Variants in ADRA1B observed in about 807,000 individuals in gnomAD.
ADRA1B encodes alpha-1B adrenergic receptor.
A neutral mutation model predicts 17.9 loss-of-function variants in ADRA1B; 17 were observed. The observed-to-expected ratio is 0.95, with a 90% CI of 0.65 to 1.42. The LOEUF is 1.42. Among genes scored for constraint, ADRA1B ranks in the 40% most tolerant of loss-of-function variants. ADRA1B has a pLI of 0.00. For synonymous variants in ADRA1B, 366 were observed against 327.6 expected (o/e 1.12, Z -1.27); for missense variants, 681 against 722.1 (o/e 0.94, Z 0.65).
intron 1 of ADRA1B, among the ~76,000 whole-genome samples, chr5:159,950,086 G>A (rs763747125): frequency 3.3e-5 from 5 of 152,322 alleles, no homozygotes; most frequent in Non-Finnish European, 5.9e-5. Flanking sequence ...ACCAGAGCAC[G>A]TGCTCCCTGG....
chr5:159,971,853 C>G, intron 1 of ADRA1B, 26 bp from the exon 2 acceptor site: 8 of 1,305,860 alleles, frequency 6.1e-6, no homozygotes, highest in Non-Finnish European at 6.9e-6. Context: ...TCTTTCTGCC[C>G]GTGCCCACCC....
At chr5:159,929,278 C>T (rs1471821930) in intron 1 of ADRA1B, among the ~76,000 whole-genome samples, 1 of 152,068 alleles carries the variant, frequency 6.6e-6, no homozygotes, top group Admixed American at 6.5e-5. Flanking sequence ...TTTTGAAGTA[C>T]TGACAAGTGG....
At chr5:159,987,312 C>A in the ADRA1B span, among the ~76,000 whole-genome samples, 1 of 152,244 alleles carries the variant, frequency 6.6e-6, no homozygotes, top group Admixed American at 6.5e-5. Context: ...GTGCGCGGGT[C>A]TCTCCTGCGG....
intron 1 of ADRA1B, among the ~76,000 whole-genome samples, chr5:159,945,379 G>A (rs1294322493): frequency 6.6e-6 from 1 of 151,998 alleles, no homozygotes. Context: ...TAAAAATAAG[G>A]AAAGAAAAAA....
chr5:159,927,293 T>C (rs1054801642), intron 1 of ADRA1B, among the ~76,000 whole-genome samples: 2 of 151,960 alleles, frequency 1.3e-5, no homozygotes, highest in East Asian at 3.9e-4. Flanking sequence ...GAGGAAACTA[T>C]TCCAGTGACT....
rs560751589 is a variant in ADRA1B, at chr5:159,936,699, C to T, written c.949+18845C>T. On this transcript the variant is annotated intron_variant, in intron 1 of 1. Transcript: ENST00000306675. ...CAACCTAAGCAGGCCCAGGAACTGG[C>T]GTGGCTGTAAATAAATAAATAAGGC... 5.9e-5 allele frequency among the ~76,000 whole-genome samples: 9 copies of T among 152,016 alleles called. No homozygotes were observed. The South Asian group carries it at 1.7e-3, about 28-fold the overall frequency.
At chr5:159,933,669 G>A (rs942531465) in intron 1 of ADRA1B, among the ~76,000 whole-genome samples, 1 of 152,230 alleles carries the variant, frequency 6.6e-6, no homozygotes, top group Admixed American at 6.5e-5. Context: ...AACAGCCTCA[G>A]AATGTGTGTA....
intron 1 of ADRA1B, among the ~76,000 whole-genome samples, chr5:159,902,414 A>G (rs935109154): frequency 9.2e-5 from 14 of 152,200 alleles, no homozygotes; most frequent in African/African-American, 2.7e-4. Context: ...AAAGAAGTCC[A>G]TAGAGTTAAC....
At chr5:159,961,723 T>C (rs570538021) in intron 1 of ADRA1B, among the ~76,000 whole-genome samples, 90 of 152,336 alleles carry the variant, frequency 5.9e-4, no homozygotes, top group African/African-American at 2.0e-3. Context: ...CCTGAGGTCA[T>C]TGGCTTGTTT....
chr5:159,869,870 A>G, intron 1 of ADRA1B: 1 of 152,228 alleles, frequency 6.6e-6, no homozygotes, highest in East Asian at 1.9e-4. Context: ...TCTGGCACAT[A>G]ATACATAGTC....
At position 159,917,636 on chromosome 5, in the gene ADRA1B, A is replaced by T. The variant is rs745539683; in HGVS notation, c.731A>T (p.Glu244Val). 1 of 1,613,848 alleles carries T rather than the reference A, an allele frequency of 6.2e-7. No individual in the cohort carries two copies. The highest frequency in any genetic ancestry group is 1.3e-5 in the African/African-American group (1 of 74,838). ...TKNLEAGVMK[E>V]MSNSKELTLR... is the part of the protein sequence containing the mutation. Reference sequence around the variant, plus strand: ...AACCTAGAGGCAGGAGTCATGAAGGAGATGTCCAACTCCAAGGAGCTGACC... The same window carrying T: ...AACCTAGAGGCAGGAGTCATGAAGGTGATGTCCAACTCCAAGGAGCTGACC... Residue 244 changes from glutamate (E) to valine (V), a missense_variant, in exon 1 of 2, where the codon GAG (glutamate) becomes GTG (valine). By Grantham distance (121) the Glu-to-Val change is moderately radical. Around this residue, in one of 3 missense-constraint regions of ADRA1B, gnomAD observed 424 missense variants for 480.2 expected, o/e 0.88. Coordinates refer to ENST00000306675, the MANE Select transcript of ADRA1B (RefSeq NM_000679.4).
At chr5:159,926,872 G>A (rs1754668454) in intron 1 of ADRA1B, among the ~76,000 whole-genome samples, 1 of 152,026 alleles carries the variant, frequency 6.6e-6, no homozygotes, top group Admixed American at 6.5e-5. Context: ...GGCAGACAGA[G>A]CAAAACTCTG....
intron 1 of ADRA1B, among the ~76,000 whole-genome samples, chr5:159,878,574 G>A (rs1221372103): frequency 3.3e-5 from 5 of 152,200 alleles, no homozygotes; most frequent in Admixed American, 3.3e-4. Context: ...ATAAGGTGAA[G>A]TAACCTATTT....
downstream of ADRA1B, among the ~76,000 whole-genome samples, chr5:159,974,502 G>A (rs1755942139): frequency 6.6e-6 from 1 of 152,040 alleles, no homozygotes. Context: ...TGGGTGTGAT[G>A]GTGGGCACCT....
intron 1 of ADRA1B, chr5:159,948,052 A>G: frequency 3.0e-6 from 3 of 985,392 alleles, no homozygotes; most frequent in South Asian, 9.4e-5. Flanking sequence ...TCGGTTTCAC[A>G]GAGATTAAAC....
intron 1 of ADRA1B, among the ~76,000 whole-genome samples, chr5:159,908,963 A>G (rs1337212670): frequency 1.3e-5 from 2 of 152,132 alleles, no homozygotes; most frequent in African/African-American, 4.8e-5. Context: ...AATCTCCCCC[A>G]TTCCCCGAGC....
At chr5:159,899,884 C>T (rs981559450) in intron 1 of ADRA1B, among the ~76,000 whole-genome samples, 16 of 152,186 alleles carry the variant, frequency 1.1e-4, no homozygotes, top group Non-Finnish European at 5.9e-5. Flanking sequence ...TTTTAGACCA[C>T]AAGATTCCCA....
At chr5:159,936,951 G>T (rs1342761844) in intron 1 of ADRA1B, among the ~76,000 whole-genome samples, 1 of 152,160 alleles carries the variant, frequency 6.6e-6, no homozygotes, top group Non-Finnish European at 1.5e-5. Flanking sequence ...GGGTCTTCAA[G>T]TGGGGTCCTC....
At chr5:159,935,111 A>G (rs1754919314) in intron 1 of ADRA1B, among the ~76,000 whole-genome samples, 1 of 152,190 alleles carries the variant, frequency 6.6e-6, no homozygotes, top group African/African-American at 2.4e-5. Flanking sequence ...AATTCGATGA[A>G]TGGGCTATGT....
Sources: allele counts gnomAD v4.1 joint callset (sites outside exome capture counted in the v4.1 genomes callset), GRCh38; gene constraint gnomAD v4.1.1; regional missense constraint gnomAD v4.1.1; transcripts MANE v1.5; gene names NCBI Gene and HGNC (gene_info 2026-07-23, HGNC 2026-07-21).